SNX29: variants seen among roughly 807,000 people sequenced by gnomAD.
SNX29 encodes sorting nexin-29.
SNX29 carries 78 observed loss-of-function variants against 102.1 expected under a neutral mutation model. That is an observed-to-expected ratio of 0.76 (90% CI 0.64 to 0.92). The LOEUF (loss-of-function observed/expected upper bound fraction) is 0.92, where lower values mean the gene tolerates loss of function less well. SNX29 is among the 40% of genes least tolerant of loss of function. The pLI, the probability that SNX29 is intolerant of heterozygous loss-of-function variation, is 0.00. For synonymous variants in SNX29, 580 were observed against 414.5 expected (o/e 1.40, Z -4.85); for missense variants, 1,280 against 1,061.7 (o/e 1.21, Z -2.86).
intron 13 of SNX29, among the ~76,000 whole-genome samples, chr16:12,177,996 T>C (rs1280123444): frequency 1.3e-5 from 2 of 152,250 alleles, no homozygotes; most frequent in Non-Finnish European, 1.5e-5. Flanking sequence ...AGCTGGCTAG[T>C]GATAACCCGT....
At chr16:12,316,900 G>T (rs930972160) in intron 15 of SNX29, among the ~76,000 whole-genome samples, 1 of 152,210 alleles carries the variant, frequency 6.6e-6, no homozygotes, top group South Asian at 2.1e-4. Flanking sequence ...TGAGTAGAGA[G>T]ACAGGTTTTC....
intron 8 of SNX29, among the ~76,000 whole-genome samples, chr16:12,053,944 G>A (rs1237455982): frequency 3.3e-5 from 5 of 151,654 alleles, no homozygotes; most frequent in African/African-American, 1.2e-4. Flanking sequence ...CAGGTATGCT[G>A]TAATCCAAAG....
At chr16:12,149,960 TC>T (rs2055227810) in intron 13 of SNX29, among the ~76,000 whole-genome samples, 1 of 152,126 alleles carries the variant, frequency 6.6e-6, no homozygotes, top group Non-Finnish European at 1.5e-5. Flanking sequence ...CAAGGAAGCT[TC>T]AGGTTGCTCC....
intron 16 of SNX29, among the ~76,000 whole-genome samples, chr16:12,393,416 T>G (rs8049594): frequency 5.2e-4 from 50 of 96,556 alleles, no homozygotes; most frequent in East Asian, 5.5e-4. Flanking sequence ...ATGCATGCAT[T>G]CATTCATTCA....
chr16:12,368,138 C>T (rs1233885686), intron 16 of SNX29, among the ~76,000 whole-genome samples: 4 of 152,208 alleles, frequency 2.6e-5, no homozygotes, highest in Admixed American at 2.6e-4. Context: ...TCATCTTTTA[C>T]ATGGCTTGCT....
Position 12,409,971 on chromosome 16 carries a change from G to A in SNX29, c.2037+6442G>A, listed in dbSNP as rs142970262. Among the ~76,000 whole-genome samples, 568 of 152,148 alleles carry A rather than the reference G, an allele frequency of 3.7e-3. 2 individuals carry two copies. Among genetic ancestry groups the A allele is most frequent in the Non-Finnish European group, 6.1e-3 (417 of 67,974 alleles). On this transcript the variant is annotated intron_variant, in intron 18 of 20. Coordinates refer to ENST00000566228, the MANE Select transcript of SNX29 (RefSeq NM_032167.5). ...TTGTAAAGAGGGTTGCTTTGTTTCA[G>A]CAAAGCGTTTTTTTTGTTGTTGTTT... is the stretch of plus-strand genomic sequence containing the variant.
intron 16 of SNX29, among the ~76,000 whole-genome samples, chr16:12,378,897 G>C (rs1213050604): frequency 6.6e-6 from 1 of 152,136 alleles, no homozygotes; most frequent in East Asian, 1.9e-4. Flanking sequence ...TCTCTGCCCA[G>C]GGTTGCCAGC....
rs2079169100 is a variant in SNX29 at position 12,570,700 on chromosome 16, C to G, written c.*2071C>G. 4.3e-6 allele frequency: 1 copy of G among 232,126 alleles called. No homozygotes were observed. The highest frequency in any genetic ancestry group is 8.5e-6 in the Non-Finnish European group (1 of 117,388). 14.4% of individuals were successfully genotyped at this position (232,126 alleles called of 1,614,324 possible). A position where few individuals can be genotyped will look rare whatever the true frequency, so the allele number is the denominator to read the frequency against. On this transcript the variant is annotated 3_prime_UTR_variant, in exon 21 of 21. Transcript: ENST00000566228. ...CTGCACCTTTTCTGACACCTGCCCC[C>G]AAAGCACAGGATGTGAATTGGTCTC...
At chr16:12,084,415 G>A (rs539744889) in intron 11 of SNX29, among the ~76,000 whole-genome samples, 1 of 152,154 alleles carries the variant, frequency 6.6e-6, no homozygotes. Context: ...AAGTGAAAAA[G>A]TTAATTATTT....
chr16:12,544,326 G>C (rs570499158), intron 20 of SNX29, among the ~76,000 whole-genome samples: 1 of 152,186 alleles, frequency 6.6e-6, no homozygotes, highest in Admixed American at 6.5e-5. Flanking sequence ...CCAAAGTCAT[G>C]AGGCAGGAAA....
At chr16:12,462,014 T>C (rs377740339) in intron 18 of SNX29, among the ~76,000 whole-genome samples, 676 of 59,202 alleles carry the variant, frequency 0.011, 12 homozygotes, top group African/African-American at 0.049. Context: ...TATATATATG[T>C]ATACACACAC....
chr16:12,529,934 C>A (rs2076887382), intron 20 of SNX29, among the ~76,000 whole-genome samples: 1 of 152,192 alleles, frequency 6.6e-6, no homozygotes, highest in African/African-American at 2.4e-5. Flanking sequence ...CTCAGCGTTA[C>A]CCAGTTGCCA....
chr16:12,443,022 A>T, intron 18 of SNX29: 1 of 456,018 alleles, frequency 2.2e-6, no homozygotes, highest in South Asian at 1.5e-5. Context: ...AATCATTCTT[A>T]GTCTGTGGGC....
intron 1 of SNX29, among the ~76,000 whole-genome samples, chr16:11,979,803 C>T (rs910937573): frequency 6.6e-6 from 1 of 151,954 alleles, no homozygotes; most frequent in African/African-American, 2.4e-5. Context: ...AGGCTGGTCT[C>T]GAACTCCTGG....
intron 14 of SNX29, among the ~76,000 whole-genome samples, chr16:12,268,512 A>G (rs1366309778): frequency 6.6e-6 from 1 of 152,102 alleles, no homozygotes; most frequent in African/African-American, 2.4e-5. Flanking sequence ...TAGGAAGACC[A>G]TTTCCTTTGT....
At chr16:12,171,609 G>T (rs1054200021) in intron 13 of SNX29, among the ~76,000 whole-genome samples, 2 of 152,204 alleles carry the variant, frequency 1.3e-5, no homozygotes, top group Non-Finnish European at 2.9e-5. Flanking sequence ...CTCTTCTGGG[G>T]TAGCGTTGCC....
chr16:12,183,149 G>A (rs1356163503), intron 13 of SNX29, among the ~76,000 whole-genome samples: 2 of 151,942 alleles, frequency 1.3e-5, no homozygotes, highest in African/African-American at 2.4e-5. Flanking sequence ...ACGGGCGTGC[G>A]CCACCACACT....
chr16:12,008,420 C>T (rs970605053), intron 3 of SNX29, among the ~76,000 whole-genome samples: 1 of 152,012 alleles, frequency 6.6e-6, no homozygotes, highest in African/African-American at 2.4e-5. Context: ...CAGGTGTGTA[C>T]CACCATGCCT....
chr16:12,461,971 AAAAAAAAATATATATATAT>A (rs1313511810), intron 18 of SNX29, among the ~76,000 whole-genome samples: 8 of 73,528 alleles, frequency 1.1e-4, no homozygotes, highest in African/African-American at 5.7e-4. Flanking sequence ...AAAAAAAAAA[AAAAAAAAATATATATATAT>A]ATATATATAT....
Sources: gnomAD v4.1 joint callset for allele counts (sites outside exome capture counted in the v4.1 genomes callset) on GRCh38, gnomAD v4.1.1 for gene constraint, MANE v1.5 for transcripts, NCBI Gene and HGNC (gene_info 2026-07-23, HGNC 2026-07-21) for gene names.